ORMDL1: variants seen among roughly 807,000 people sequenced by gnomAD.
ORMDL1 encodes ORMDL sphingolipid biosynthesis regulator 1, also known as ORM1-like protein 1.
In ORMDL1, 10 loss-of-function variants were observed where a neutral mutation model predicts 13.0. The ratio of observed to expected loss-of-function variants is 0.77; its 90% confidence interval spans 0.47 to 1.30. The LOEUF is 1.30. Among genes scored for constraint, ORMDL1 ranks in the 50% most tolerant of loss-of-function variants. The pLI is 0.00. For missense variants in ORMDL1, 171 were observed against 186.7 expected (o/e 0.92, Z 0.49); for synonymous variants, 61 against 63.9 (o/e 0.95, Z 0.22).
downstream of ORMDL1, among the ~76,000 whole-genome samples, chr2:189,769,545 A>G (rs6719224): frequency 0.24 from 35,854 of 152,004 alleles, 4,554 homozygotes; most frequent in African/African-American, 0.32. Flanking sequence ...TCAATAGACA[A>G]TAACACCATA....
intron 3 of ORMDL1, chr2:189,778,149 C>T (rs1318760126): frequency 4.5e-6 from 2 of 446,438 alleles, no homozygotes; most frequent in African/African-American, 4.0e-5. Context: ...ACACTCAGCA[C>T]TTTGGGAGGC....
At chr2:189,775,757 T>A (rs2047681140) in intron 3 of ORMDL1, 41 bp from the exon 4 acceptor site, 1 of 1,581,134 alleles carries the variant, frequency 6.3e-7, no homozygotes, top group African/African-American at 1.4e-5. Flanking sequence ...CAATATTAAA[T>A]ACAAAATTAG....
the ORMDL1 span, chr2:189,763,889 G>C: frequency 6.6e-6 from 1 of 152,130 alleles, no homozygotes; most frequent in African/African-American, 2.4e-5. Flanking sequence ...TGGAACTTAT[G>C]TTTTTCAAAA....
chr2:189,765,632 T>G (rs2047468000), downstream of ORMDL1: 1 of 152,214 alleles, frequency 6.6e-6, no homozygotes, highest in African/African-American at 2.4e-5. Context: ...TTATCTTCCT[T>G]GTATTGACCA....
At chr2:189,780,049 T>C (rs1001267074) in intron 3 of ORMDL1, among the ~76,000 whole-genome samples, 1 of 152,210 alleles carries the variant, frequency 6.6e-6, no homozygotes, top group Admixed American at 6.5e-5. Flanking sequence ...TGGATTGTTT[T>C]GGATTTTGGA....
rs371673445 is a variant in ORMDL1, at chr2:189,771,791, C to A, written c.438G>T (p.Arg146=). The part of the protein sequence containing the change: ...IPKMPQLHGV[R]IFGINKY ...TTCAATACTTATTAATTCCAAAGAT[C>A]CGAACACCATGTAGTTGTGGCATTT... is the stretch of plus-strand genomic sequence containing the variant. Residue 146 remains arginine, a synonymous_variant, in exon 5 of 5, where the codon CGG becomes CGT. Transcript: ENST00000392349. 1.2e-5 allele frequency: 20 copies of A among 1,603,332 alleles called. No homozygotes were observed. The highest frequency in any genetic ancestry group is 1.7e-4 in the Middle Eastern group (1 of 6,028).
At position 189,782,344 on chromosome 2, in the gene ORMDL1, C is replaced by T; in HGVS notation, c.174+78G>A. On this transcript the variant is annotated intron_variant, in intron 3 of 4. Coordinates refer to ENST00000392349, the MANE Select transcript of ORMDL1 (RefSeq NM_016467.5). ...CTGTACCCATTAAGCAATAACTTTC[C>T]ATTCCTTCCTCCCCTTAATTTCCGG... 2.3e-6 allele frequency: 3 copies of T among 1,327,424 alleles called. No individual in the cohort carries two copies. The East Asian group carries it at 7.5e-5, about 33-fold the overall frequency. 82.2% of individuals were successfully genotyped at this position (1,327,424 alleles called of 1,614,324 possible).
rs2047579114 is a variant in ORMDL1 at position 189,771,530 on chromosome 2, T to C, written c.*237A>G. 2.9e-6 allele frequency: 1 copy of C among 339,726 alleles called. No homozygotes were observed. Among genetic ancestry groups the C allele is most frequent in the Non-Finnish European group, 5.3e-6 (1 of 189,874 alleles). 21.0% of individuals were successfully genotyped at this position (339,726 alleles called of 1,614,324 possible). On this transcript the variant is annotated 3_prime_UTR_variant, in exon 5 of 5. Coordinates refer to ENST00000392349, the MANE Select transcript of ORMDL1 (RefSeq NM_016467.5). The stretch of plus-strand genomic sequence containing the variant: ...CTGTGATGCCCTTTAACTTATAAGC[T>C]GGGCCTGCCCAGCCTGCTTATAAAG...
At chr2:189,766,502 C>T (rs567935972), downstream of ORMDL1, among the ~76,000 whole-genome samples, 405 of 152,108 alleles carry the variant, frequency 2.7e-3, 1 homozygote, top group Non-Finnish European at 4.4e-3. Context: ...CTGAGGTGGG[C>T]GGATTACCTG....
chr2:189,778,405 G>A (rs1035707843), intron 3 of ORMDL1: 7 of 454,436 alleles, frequency 1.5e-5, no homozygotes, highest in African/African-American at 1.4e-4. Context: ...AAAAAAAAAG[G>A]ACTAACTTAT....
In ORMDL1 at chr2:189,784,282, C is replaced by T. The variant is rs1221129760; in HGVS notation, c.-131G>A. The T allele has an allele frequency of 6.6e-6, 1 of 152,594 alleles. No individual in the cohort carries two copies. Among genetic ancestry groups the T allele is most frequent in the Non-Finnish European group, 1.5e-5 (1 of 68,350 alleles). The allele number at this position is 152,594 out of a possible 1,614,324, so 9.5% of individuals were successfully genotyped here. On this transcript the variant is annotated 5_prime_UTR_variant, in exon 1 of 5. Transcript: ENST00000392349. ...GTGCCCACTTACCCGCCGCCCCACT[C>T]CGGGCCGCCGGCTCGCAGCAGGACC... is the stretch of plus-strand genomic sequence containing the variant.
rs1358906197 is a variant in ORMDL1 at position 189,782,517 on chromosome 2, CAT to C, written c.77_78del (p.Tyr26CysfsTer31). On this transcript the variant is annotated frameshift_variant, in exon 3 of 5. Transcript: ENST00000392349. LOFTEE classifies it high-confidence loss of function. ...ATATGAAGCAAGCCAACTCCCAATG[CAT>C]ATGTCAGCCACATACCCCGGCTGTT... is the stretch of plus-strand genomic sequence containing the variant. Reference protein sequence around the residue: ...VMNSRGMWLTYALGVGLLHIV... With the variant: ...VMNSRGMWLTXALGVGLLHIV... 6.2e-7 allele frequency: 1 copy of C among 1,614,158 alleles called. No homozygotes were observed. The highest frequency in any genetic ancestry group is 1.7e-5 in the Admixed American group (1 of 60,026).
intron 3 of ORMDL1, chr2:189,778,573 G>A (rs990449243): frequency 1.0e-5 from 4 of 401,950 alleles, no homozygotes; most frequent in Admixed American, 8.5e-5. Context: ...AAATCAGGCA[G>A]AGCAGGAAGG....
At chr2:189,768,063 C>A (rs2047512126), downstream of ORMDL1, among the ~76,000 whole-genome samples, 1 of 152,174 alleles carries the variant, frequency 6.6e-6, no homozygotes, top group African/African-American at 2.4e-5. Context: ...CTACTTGCTA[C>A]ATCACTGGAT....
chr2:189,767,937 C>T (rs903560022), downstream of ORMDL1, among the ~76,000 whole-genome samples: 2 of 152,190 alleles, frequency 1.3e-5, no homozygotes, highest in Admixed American at 6.5e-5. Flanking sequence ...TCATCCAATA[C>T]AGTTGAAGCC....
At chr2:189,775,183 G>A (rs766209680) in intron 4 of ORMDL1, 1 of 156,384 alleles carries the variant, frequency 6.4e-6, no homozygotes, top group Non-Finnish European at 1.4e-5. Context: ...AATAGGATAG[G>A]TGGCCAGTGA....
At chr2:189,776,666 CTTCCT>C (rs1303362557) in intron 3 of ORMDL1, among the ~76,000 whole-genome samples, 2 of 152,108 alleles carry the variant, frequency 1.3e-5, no homozygotes, top group Non-Finnish European at 2.9e-5. Flanking sequence ...TAACCAAGCC[CTTCCT>C]TTCAAGGCTT....
downstream of ORMDL1, among the ~76,000 whole-genome samples, chr2:189,768,334 TAGAA>T (rs1004682182): frequency 5.9e-5 from 9 of 152,326 alleles, no homozygotes; most frequent in Non-Finnish European, 1.0e-4. Flanking sequence ...TCTATCCTGT[TAGAA>T]AGACTATTAA....
Position 189,782,580 on chromosome 2 carries a change from C to T in ORMDL1, c.16G>A (p.Ala6Thr). The T allele has an allele frequency of 6.2e-7, 1 of 1,614,036 alleles. No individual in the cohort carries two copies. The highest frequency in any genetic ancestry group is 1.1e-5 in the South Asian group (1 of 91,064). Residue 6 changes from alanine (A) to threonine (T), a missense_variant, in exon 3 of 5, where the codon GCC becomes ACC. Transcript: ENST00000392349. ...GTATTTGGATTCACTTCACTGTGGG[C>T]AACTCCAACGTTCATGTTTGCTCTG... MNVGVAHSEVNPNTRV... is the reference protein window; with the variant it reads MNVGVTHSEVNPNTRV...
Sources: allele counts gnomAD v4.1 joint callset (sites outside exome capture counted in the v4.1 genomes callset), GRCh38; gene constraint gnomAD v4.1.1; transcripts MANE v1.5; gene names NCBI Gene and HGNC (gene_info 2026-07-23, HGNC 2026-07-21).